The following KCNIP4 variants were observed in gnomAD, a reference collection of about 807,000 sequenced individuals.
The protein encoded by KCNIP4 is Kv channel-interacting protein 4.
A neutral mutation model predicts 34.0 loss-of-function variants in KCNIP4; 12 were observed. The ratio of observed to expected loss-of-function variants is 0.35; its 90% confidence interval spans 0.23 to 0.57. The LOEUF is 0.57. Ranked by LOEUF, KCNIP4 falls within the 20% of genes least tolerant of loss-of-function variation. The probability of loss-of-function intolerance (pLI) is 0.83; values close to 1 mark genes in which losing one functional copy is unlikely to be tolerated. For synonymous variants in KCNIP4, 124 were observed against 102.2 expected (o/e 1.21, Z -1.29); for missense variants, 238 against 311.7 (o/e 0.76, Z 1.78).
intron 1 of KCNIP4, among the ~76,000 whole-genome samples, chr4:21,157,096 C>T (rs567941297): frequency 9.9e-5 from 15 of 152,220 alleles, no homozygotes; most frequent in Non-Finnish European, 1.6e-4. Flanking sequence ...CATGTAACCT[C>T]GCTGAGGCTT....
At chr4:21,536,002 G>A (rs1737133718) in intron 1 of KCNIP4, among the ~76,000 whole-genome samples, 1 of 152,036 alleles carries the variant, frequency 6.6e-6, no homozygotes, top group Non-Finnish European at 1.5e-5. Context: ...CAGTGACCAG[G>A]TCCAGTGATG....
At chr4:20,844,289 TGACA>T (rs1720103246) in intron 3 of KCNIP4, among the ~76,000 whole-genome samples, 1 of 152,220 alleles carries the variant, frequency 6.6e-6, no homozygotes, top group South Asian at 2.1e-4. Flanking sequence ...GTTGGAAATC[TGACA>T]GACAGTTCTG....
At chr4:21,789,372 T>C (rs767978590) in intron 1 of KCNIP4, among the ~76,000 whole-genome samples, 1 of 150,942 alleles carries the variant, frequency 6.6e-6, no homozygotes, top group African/African-American at 2.5e-5. Flanking sequence ...AGAAGAGAGC[T>C]ACTTCAAATT....
At chr4:20,796,053 G>A (rs1438752503) in intron 3 of KCNIP4, among the ~76,000 whole-genome samples, 1 of 152,066 alleles carries the variant, frequency 6.6e-6, no homozygotes, top group African/African-American at 2.4e-5. Flanking sequence ...CTACATCATT[G>A]AGTTCTGAAA....
At chr4:20,757,042 A>G (rs139038144) in intron 4 of KCNIP4, among the ~76,000 whole-genome samples, 93 of 152,244 alleles carry the variant, frequency 6.1e-4, no homozygotes, top group African/African-American at 2.2e-3. Context: ...TGTTGAGTCT[A>G]AATCCCCACA....
At chr4:21,513,826 AACAACGGT>A (rs1434704352) in intron 1 of KCNIP4, among the ~76,000 whole-genome samples, 9 of 152,210 alleles carry the variant, frequency 5.9e-5, no homozygotes, top group Admixed American at 5.2e-4. Flanking sequence ...TCCTTGGATG[AACAACGGT>A]ACAAAACATA....
chr4:21,781,998 T>C (rs1412688249), intron 1 of KCNIP4, among the ~76,000 whole-genome samples: 1 of 150,964 alleles, frequency 6.6e-6, no homozygotes, highest in African/African-American at 2.4e-5. Context: ...TCAAAAATGT[T>C]CAAGTAACCC....
chr4:21,776,420 T>C (rs981171198), intron 1 of KCNIP4, among the ~76,000 whole-genome samples: 1 of 152,178 alleles, frequency 6.6e-6, no homozygotes, highest in Admixed American at 6.5e-5. Context: ...ACATGAGTCA[T>C]GTATTATGGA....
intron 1 of KCNIP4, among the ~76,000 whole-genome samples, chr4:21,057,613 A>T (rs1035951570): frequency 6.6e-6 from 1 of 152,218 alleles, no homozygotes; most frequent in Non-Finnish European, 1.5e-5. Context: ...CATTTGAAAC[A>T]GACTTTTGTT....
At chr4:21,516,681 G>GA (rs1734792647) in intron 1 of KCNIP4, among the ~76,000 whole-genome samples, 5 of 152,200 alleles carry the variant, frequency 3.3e-5, no homozygotes, top group African/African-American at 9.6e-5. Context: ...TGTCTGGGAA[G>GA]AGTTTTCGAA....
intron 1 of KCNIP4, among the ~76,000 whole-genome samples, chr4:20,920,597 A>G (rs564668681): frequency 6.6e-6 from 1 of 152,316 alleles, no homozygotes; most frequent in Non-Finnish European, 1.5e-5. Flanking sequence ...TTGTCTAGTC[A>G]TGTTTTTATG....
At chr4:20,750,036 G>C (rs1240663202) in intron 4 of KCNIP4, among the ~76,000 whole-genome samples, 1 of 152,178 alleles carries the variant, frequency 6.6e-6, no homozygotes, top group African/African-American at 2.4e-5. Context: ...TGGATGTGAA[G>C]ATTGAGACTT....
chr4:20,752,055 G>GTTTTTTT lies in KCNIP4; in HGVS notation c.359-2330_359-2324dup, dbSNP rs33912651. Among the ~76,000 whole-genome samples the GTTTTTTT allele has an allele frequency of 4.1e-5, 5 of 121,674 alleles. No homozygotes were observed. The East Asian group carries it at 9.7e-4, about 24-fold the overall frequency. 79.8% of individuals were successfully genotyped at this position (121,674 alleles called of 152,430 possible). Reference sequence around the variant, plus strand: ...ACAATATCAGTATGTACTTCATAGAGTTTTTTTTTTTTTTTTTTTTGAGAC... The same window carrying GTTTTTTT: ...ACAATATCAGTATGTACTTCATAGAGTTTTTTTTTTTTTTTTTTTTTTTTTTTGAGAC... On this transcript the variant is annotated intron_variant, in intron 4 of 8. Coordinates refer to ENST00000382152, the MANE Select transcript of KCNIP4 (RefSeq NM_025221.6).
intron 3 of KCNIP4, among the ~76,000 whole-genome samples, chr4:20,789,157 C>G (rs920866710): frequency 7.9e-5 from 12 of 152,248 alleles, no homozygotes; most frequent in African/African-American, 2.4e-4. Flanking sequence ...AGAAAAGGAG[C>G]TTCCCATAAG....
intron 1 of KCNIP4, among the ~76,000 whole-genome samples, chr4:21,257,951 T>C (rs1761185871): frequency 6.6e-6 from 1 of 152,104 alleles, no homozygotes; most frequent in Admixed American, 6.5e-5. Context: ...TTCTGATTGT[T>C]TTTTCTTGCC....
intron 1 of KCNIP4, among the ~76,000 whole-genome samples, chr4:21,515,905 G>A (rs62301296): frequency 0.025 from 3,812 of 152,016 alleles, 67 homozygotes; most frequent in Middle Eastern, 0.078. Context: ...ATAAATTTCT[G>A]TTCCTTATAC....
intron 1 of KCNIP4, among the ~76,000 whole-genome samples, chr4:21,207,925 C>T (rs1023624488): frequency 6.6e-6 from 1 of 151,070 alleles, no homozygotes; most frequent in Non-Finnish European, 1.5e-5. Context: ...TCACTGCAAC[C>T]TCCACCTCTG....
intron 1 of KCNIP4, among the ~76,000 whole-genome samples, chr4:21,458,137 TC>T (rs1729123916): frequency 1.3e-5 from 1 of 78,412 alleles, no homozygotes; most frequent in Non-Finnish European, 2.3e-5. Flanking sequence ...ATGCTATCCC[TC>T]CCCCCTCCCC....
chr4:21,694,279 A>T (rs1005746246), intron 1 of KCNIP4, among the ~76,000 whole-genome samples: 3 of 152,160 alleles, frequency 2.0e-5, no homozygotes, highest in Non-Finnish European at 4.4e-5. Context: ...GGGTAGCATG[A>T]GCCCCATCTA....
Sources: gnomAD v4.1 joint callset for allele counts (sites outside exome capture counted in the v4.1 genomes callset) on GRCh38, gnomAD v4.1.1 for gene constraint, MANE v1.5 for transcripts, NCBI Gene and HGNC (gene_info 2026-07-23, HGNC 2026-07-21) for gene names.